The following SPON1 variants were observed in gnomAD, a reference collection of about 807,000 sequenced individuals.
The protein encoded by SPON1 is spondin-1.
Under a neutral mutation model 111.7 loss-of-function variants are expected in SPON1, and 52 were observed. The observed-to-expected ratio is 0.47, with a 90% CI of 0.37 to 0.59. SPON1 has a LOEUF of 0.59. Among genes scored for constraint, SPON1 ranks in the 20% least tolerant of loss-of-function variants. SPON1 has a pLI of 0.00. For missense variants in SPON1, 957 were observed against 1,068.5 expected, an observed-to-expected ratio of 0.90 and a Z score of 1.46; for synonymous variants, 410 against 395.8, an observed-to-expected ratio of 1.04 and a Z score of -0.43.
chr11:14,140,329 G>C (rs10832190), intron 6 of SPON1, among the ~76,000 whole-genome samples: 59,363 of 151,936 alleles, frequency 0.39, 11,830 homozygotes, highest in East Asian at 0.55. Context: ...CCTTTTCATT[G>C]AACTTGCTCT....
intron 5 of SPON1, among the ~76,000 whole-genome samples, chr11:14,126,785 C>CT (rs1847465085): frequency 6.6e-6 from 1 of 152,164 alleles, no homozygotes; most frequent in Non-Finnish European, 1.5e-5. Context: ...ACCTCGTCTC[C>CT]TTTTTCCCAG....
At position 13,962,797 on chromosome 11, in the gene SPON1, C is replaced by T; in HGVS notation, c.-108C>T. ...AGTCGCGGACGCCAGCTCCGAGCTC[C>T]CTCTCTCCGCCGCGCCTCCGCCAGG... On this transcript the variant is annotated 5_prime_UTR_variant, in exon 1 of 16. Coordinates refer to ENST00000576479, the MANE Select transcript of SPON1 (RefSeq NM_006108.4). 9.3e-7 allele frequency: 1 copy of T among 1,078,408 alleles called. No homozygotes were observed. Among genetic ancestry groups the T allele is most frequent in the South Asian group, 1.8e-5 (1 of 54,178 alleles). The allele number at this position is 1,078,408 out of a possible 1,614,324, so 66.8% of individuals were successfully genotyped here. A position where few individuals can be genotyped will look rare whatever the true frequency, so the allele number is the denominator to read the frequency against.
intron 3 of SPON1, among the ~76,000 whole-genome samples, chr11:14,060,099 ACCC>A (rs560744398): frequency 6.6e-6 from 1 of 151,976 alleles, no homozygotes; most frequent in Non-Finnish European, 1.5e-5. Context: ...CTTCCGCTCT[ACCC>A]CCCCAACTAC....
chr11:14,202,138 C>G (rs1848471228), intron 6 of SPON1, among the ~76,000 whole-genome samples: 1 of 152,122 alleles, frequency 6.6e-6, no homozygotes. Flanking sequence ...CTGTGGGAAC[C>G]AAGCATGAGT....
At chr11:14,261,379 G>A (rs1849176677) in intron 14 of SPON1, among the ~76,000 whole-genome samples, 1 of 152,194 alleles carries the variant, frequency 6.6e-6, no homozygotes, top group Non-Finnish European at 1.5e-5. Context: ...CACTGGCTGT[G>A]GCTCTGGCCC....
intron 2 of SPON1, among the ~76,000 whole-genome samples, chr11:14,025,537 G>A (rs1848511312): frequency 6.6e-6 from 1 of 152,200 alleles, no homozygotes; most frequent in Non-Finnish European, 1.5e-5. Flanking sequence ...CCCCATGCCT[G>A]GAGCTGTCGA....
At position 14,090,628 on chromosome 11, in the gene SPON1, C is replaced by T. The variant is rs933705376; in HGVS notation, c.676+10607C>T. 6.6e-5 allele frequency among the ~76,000 whole-genome samples: 10 copies of T among 151,702 alleles called. No individual in the cohort carries two copies. In the East Asian group the frequency reaches 7.7e-4, roughly 12 times the overall value. On this transcript the variant is annotated intron_variant, in intron 5 of 15. Coordinates refer to ENST00000576479, the MANE Select transcript of SPON1 (RefSeq NM_006108.4). ...AGTTGTTCGTTCCTCCTGGTGGGCTCGTGGTCTGGCTGGGCTCAGGAGTGA... is the reference window on the plus strand; with the variant it reads ...AGTTGTTCGTTCCTCCTGGTGGGCTTGTGGTCTGGCTGGGCTCAGGAGTGA...
chr11:14,015,093 G>T (rs918936307), intron 2 of SPON1, among the ~76,000 whole-genome samples: 1 of 152,204 alleles, frequency 6.6e-6, no homozygotes, highest in Non-Finnish European at 1.5e-5. Context: ...TTGAGGTTTG[G>T]CTCAAAGCTT....
At chr11:14,136,474 G>A (rs1554928102) in intron 6 of SPON1, among the ~76,000 whole-genome samples, 1 of 152,146 alleles carries the variant, frequency 6.6e-6, no homozygotes, top group Non-Finnish European at 1.5e-5. Context: ...AATGCAGGAG[G>A]CTAAGAAAAC....
chr11:14,097,646 G>T (rs1849112126), intron 5 of SPON1, among the ~76,000 whole-genome samples: 1 of 152,062 alleles, frequency 6.6e-6, no homozygotes, highest in African/African-American at 2.4e-5. Context: ...CGTGCCTGTA[G>T]TCCCAGCTAC....
intron 5 of SPON1, among the ~76,000 whole-genome samples, chr11:14,115,767 A>G (rs1337201616): frequency 2.2e-4 from 34 of 152,000 alleles, no homozygotes; most frequent in African/African-American, 8.2e-4. Context: ...ATAAATATAC[A>G]TTTGCCTTTC....
chr11:14,064,458 A>G (rs577859280), intron 3 of SPON1, among the ~76,000 whole-genome samples: 1 of 152,310 alleles, frequency 6.6e-6, no homozygotes, highest in South Asian at 2.1e-4. Context: ...TGAGGAGGAG[A>G]CATGTGACAC....
intron 2 of SPON1, among the ~76,000 whole-genome samples, chr11:14,002,867 A>T (rs1554912607): frequency 1.3e-5 from 2 of 151,978 alleles, no homozygotes; most frequent in African/African-American, 2.4e-5. Context: ...TCTACCTATA[A>T]TTTTTTTAAA....
At chr11:14,021,871 A>G (rs551455047) in intron 2 of SPON1, among the ~76,000 whole-genome samples, 2 of 152,348 alleles carry the variant, frequency 1.3e-5, no homozygotes, top group South Asian at 2.1e-4. Flanking sequence ...TCTAAAGTTC[A>G]CTGATCACCC....
chr11:14,145,956 T>G (rs1847712306), intron 6 of SPON1, among the ~76,000 whole-genome samples: 1 of 152,060 alleles, frequency 6.6e-6, no homozygotes, highest in South Asian at 2.1e-4. Context: ...ATATGAAAAA[T>G]GGCAGGTTAG....
chr11:14,001,096 C>G (rs373143729), intron 2 of SPON1, among the ~76,000 whole-genome samples: 1 of 152,156 alleles, frequency 6.6e-6, no homozygotes, highest in Non-Finnish European at 1.5e-5. Flanking sequence ...GGCAAACCTT[C>G]GCCACCTCCT....
intron 2 of SPON1, among the ~76,000 whole-genome samples, chr11:14,002,189 A>G (rs1472255620): frequency 1.3e-5 from 2 of 152,222 alleles, no homozygotes; most frequent in African/African-American, 4.8e-5. Flanking sequence ...TATCTTCCTT[A>G]TAGAATTACT....
chr11:13,980,409 G>A (rs991544097), intron 1 of SPON1, among the ~76,000 whole-genome samples: 1 of 152,028 alleles, frequency 6.6e-6, no homozygotes, highest in Non-Finnish European at 1.5e-5. Flanking sequence ...TGGGATAACC[G>A]GCCAATCACA....
intron 6 of SPON1, among the ~76,000 whole-genome samples, chr11:14,238,965 C>T (rs143442584): frequency 5.3e-4 from 81 of 152,312 alleles, no homozygotes; most frequent in Middle Eastern, 3.4e-3. Flanking sequence ...CTTGAAAGTT[C>T]CTGTCTGTGC....
Sources: allele counts gnomAD v4.1 joint callset (sites outside exome capture counted in the v4.1 genomes callset), GRCh38; gene constraint gnomAD v4.1.1; transcripts MANE v1.5; gene names NCBI Gene and HGNC (gene_info 2026-07-23, HGNC 2026-07-21).